Variants in UBR1 observed in about 807,000 individuals in gnomAD.
UBR1 encodes the protein ubiquitin protein ligase E3 component n-recognin 1, also known as E3 ubiquitin-protein ligase UBR1.
Under a neutral mutation model 242.1 loss-of-function variants are expected in UBR1, and 102 were observed. The observed-to-expected ratio is 0.42, with a 90% CI of 0.36 to 0.50. The LOEUF is 0.50. UBR1 is among the 20% of genes least tolerant of loss of function. UBR1 has a pLI of 0.01. For missense variants in UBR1, 1,772 were observed against 2,101.8 expected (o/e 0.84, Z 3.07); for synonymous variants, 675 against 684.8 (o/e 0.99, Z 0.22).
chr15:43,091,664 C>T (rs941766507), intron 1 of UBR1, among the ~76,000 whole-genome samples: 2 of 151,806 alleles, frequency 1.3e-5, no homozygotes, highest in Non-Finnish European at 2.9e-5. Context: ...CATGGCTGGG[C>T]ATGGTGGCTG....
chr15:43,002,628 G>A lies in UBR1; in HGVS notation c.3586C>T (p.Leu1196Phe). The A allele has an allele frequency of 6.2e-7, 1 of 1,614,178 alleles. No individual in the cohort carries two copies. The highest frequency in any genetic ancestry group is 1.6e-4 in the Middle Eastern group (1 of 6,062). ...DLFDLESGEYLCPLCKSLCNT... is the reference protein window; with the variant it reads ...DLFDLESGEYFCPLCKSLCNT... ...CACAGAGATTTGCAAAGAGGGCAAA[G>A]ATATTCTCCACTTTCCAAGTCAAAA... Residue 1196 changes from leucine (L) to phenylalanine (F), a missense_variant, in exon 32 of 47, where the codon CTT becomes TTT. By Grantham distance (22) the Leu-to-Phe change is conservative (BLOSUM62 0). Around this residue, in one of 3 missense-constraint regions of UBR1, gnomAD observed 965 missense variants for 1,079.7 expected, o/e 0.89. Transcript: ENST00000290650.
intron 1 of UBR1, among the ~76,000 whole-genome samples, chr15:43,093,302 G>C (rs1277737797): frequency 1.3e-5 from 2 of 152,182 alleles, no homozygotes; most frequent in East Asian, 3.9e-4. Context: ...ACAACTGCTA[G>C]ACATCTACAG....
chr15:42,970,943 G>A (rs1381232801), intron 39 of UBR1, among the ~76,000 whole-genome samples: 3 of 152,122 alleles, frequency 2.0e-5, no homozygotes, highest in African/African-American at 7.2e-5. Flanking sequence ...TTGAAATCCT[G>A]ACCTCAAGTG....
chr15:42,972,232 T>C (rs2032218940), intron 39 of UBR1, among the ~76,000 whole-genome samples: 1 of 152,196 alleles, frequency 6.6e-6, no homozygotes, highest in South Asian at 2.1e-4. Flanking sequence ...ACTGACCCTA[T>C]AGTTTTGTCT....
intron 39 of UBR1, 130 bp downstream of exon 39, chr15:42,976,585 AAC>A (rs1405595072): frequency 8.0e-6 from 5 of 624,136 alleles, no homozygotes; most frequent in Non-Finnish European, 1.2e-5. Flanking sequence ...TCCATTAAAA[AAC>A]AGATAATCAT....
At chr15:43,066,936 A>C (rs892787671) in intron 6 of UBR1, among the ~76,000 whole-genome samples, 1 of 152,166 alleles carries the variant, frequency 6.6e-6, no homozygotes, top group Non-Finnish European at 1.5e-5. Context: ...TAGAATCTGC[A>C]TTTTTAATAA....
At chr15:42,980,791 G>A (rs1007106911) in intron 37 of UBR1, among the ~76,000 whole-genome samples, 10 of 151,894 alleles carry the variant, frequency 6.6e-5, no homozygotes, top group East Asian at 1.9e-4. Context: ...TTGTGGAGAC[G>A]GGGTTTCACC....
At chr15:42,984,352 C>T (rs566228355) in intron 36 of UBR1, among the ~76,000 whole-genome samples, 5 of 152,230 alleles carry the variant, frequency 3.3e-5, no homozygotes, top group African/African-American at 1.2e-4. Flanking sequence ...GGAATGGCAA[C>T]CTCAATTACC....
chr15:43,021,788 T>G (rs1327071569), intron 26 of UBR1, among the ~76,000 whole-genome samples: 1 of 152,194 alleles, frequency 6.6e-6, no homozygotes, highest in Non-Finnish European at 1.5e-5. Flanking sequence ...ATGTACAAAT[T>G]ACAATTTCTA....
In UBR1 at chr15:42,944,569, T is replaced by C. The variant is rs2031702651; in HGVS notation, c.*760A>G. ...ATGGTGCCACAATCTCCTTGCAGAA[T>C]GAGATTTGCCTTTGGAAAATGTCAA... On this transcript the variant is annotated 3_prime_UTR_variant, in exon 47 of 47. Transcript: ENST00000290650. 1 of 152,200 alleles carries C rather than the reference T, an allele frequency of 6.6e-6. No individual in the cohort carries two copies. The highest frequency in any genetic ancestry group is 2.4e-5 in the African/African-American group (1 of 41,450). 9.4% of individuals were successfully genotyped at this position (152,200 alleles called of 1,614,324 possible). A position where few individuals can be genotyped will look rare whatever the true frequency, so the allele number is the denominator to read the frequency against.
rs1328902215 is a variant in UBR1, at chr15:42,943,211, A to T, written c.*2118T>A. 1.3e-5 allele frequency: 2 copies of T among 152,632 alleles called. No homozygotes were observed. 9.5% of individuals were successfully genotyped at this position (152,632 alleles called of 1,614,324 possible). On this transcript the variant is annotated 3_prime_UTR_variant, in exon 47 of 47. Coordinates refer to ENST00000290650, the MANE Select transcript of UBR1 (RefSeq NM_174916.3). ...TCTTCACCATATCATTAAAATTCTC[A>T]CTAGCCCCTTACCAAACATTAGAAA...
intron 4 of UBR1, among the ~76,000 whole-genome samples, chr15:43,074,631 T>C (rs987004767): frequency 1.3e-5 from 2 of 152,152 alleles, no homozygotes; most frequent in Non-Finnish European, 1.5e-5. Flanking sequence ...GGTTTCATCA[T>C]GTTGGCCAGG....
At chr15:43,018,029 G>A (rs1173177307) in intron 27 of UBR1, among the ~76,000 whole-genome samples, 3 of 149,268 alleles carry the variant, frequency 2.0e-5, no homozygotes, top group African/African-American at 7.4e-5. Context: ...TTTTAACAGG[G>A]TCTTGCTCTG....
At chr15:43,013,467 G>A (rs1157084634) in intron 29 of UBR1, among the ~76,000 whole-genome samples, 1 of 152,106 alleles carries the variant, frequency 6.6e-6, no homozygotes, top group Non-Finnish European at 1.5e-5. Flanking sequence ...TATAGGCAAT[G>A]TCTTTCTTCT....
Position 43,068,862 on chromosome 15 carries a change from C to G in UBR1, c.660-826G>C, listed in dbSNP as rs13379538. 9.7e-3 allele frequency among the ~76,000 whole-genome samples: 1,481 copies of G among 152,256 alleles called. 34 individuals are homozygous for G. The highest frequency in any genetic ancestry group is 0.034 in the African/African-American group (1,430 of 41,546). On this transcript the variant is annotated intron_variant, in intron 5 of 46. Transcript: ENST00000290650. ...TCTTGAACTCCTGACCTCAGGTGAT[C>G]CACCTGTCTCGGCCTGACTGTATGT... is the stretch of plus-strand genomic sequence containing the variant.
chr15:42,998,937 C>CTTT (rs35098054), intron 32 of UBR1, among the ~76,000 whole-genome samples: 36 of 121,262 alleles, frequency 3.0e-4, no homozygotes, highest in South Asian at 8.1e-4. Flanking sequence ...GGAGCCTTTG[C>CTTT]TTTTTTTTTT....
At chr15:43,092,490 A>G (rs116707652) in intron 1 of UBR1, among the ~76,000 whole-genome samples, 1,984 of 152,342 alleles carry the variant, frequency 0.013, 43 homozygotes, top group African/African-American at 0.044. Context: ...GCTAAATGCT[A>G]CACATTTCTT....
intron 14 of UBR1, among the ~76,000 whole-genome samples, chr15:43,046,573 A>G: frequency 6.6e-6 from 1 of 152,174 alleles, no homozygotes; most frequent in East Asian, 1.9e-4. Context: ...AATAGTGAAG[A>G]CGCAGAAAAA....
intron 7 of UBR1, 44 bp downstream of exon 7, chr15:43,060,008 A>G (rs1331664228): frequency 1.9e-6 from 3 of 1,603,588 alleles, no homozygotes; most frequent in East Asian, 4.5e-5. Context: ...TGTAATGTAC[A>G]TTCATCTTTA....
Sources: gnomAD v4.1 joint callset for allele counts (sites outside exome capture counted in the v4.1 genomes callset) on GRCh38, gnomAD v4.1.1 for gene constraint, gnomAD v4.1.1 regional missense constraint, MANE v1.5 for transcripts, NCBI Gene and HGNC (gene_info 2026-07-23, HGNC 2026-07-21) for gene names.